CNST: variants seen among roughly 807,000 people sequenced by gnomAD.
The protein encoded by CNST is consortin.
CNST carries 39 observed loss-of-function variants against 72.4 expected under a neutral mutation model. The observed-to-expected ratio is 0.54, with a 90% confidence interval of 0.42 to 0.70. CNST has a LOEUF of 0.70. Among genes scored for constraint, CNST ranks in the 30% least tolerant of loss-of-function variants. CNST has a pLI of 0.00. For missense variants in CNST, 871 were observed against 868.5 expected (o/e 1.00, Z -0.04); for synonymous variants, 332 against 320.1 (o/e 1.04, Z -0.40).
intron 9 of CNST, among the ~76,000 whole-genome samples, chr1:246,648,943 G>T (rs1209491173): frequency 1.3e-5 from 2 of 152,180 alleles, no homozygotes; most frequent in African/African-American, 4.8e-5. Context: ...GAAAACAGAA[G>T]ACTGAAAAGC....
At position 246,608,501 on chromosome 1, in the gene CNST, G is replaced by A. The variant is rs531224769; in HGVS notation, c.380-12928G>A. Among the ~76,000 whole-genome samples the A allele has an allele frequency of 2.0e-5, 3 of 152,324 alleles. No individual in the cohort carries two copies. In the East Asian group the frequency reaches 5.8e-4, roughly 29 times the overall value. ...GAGAATCCAAACATTAATGCTTATTGACATGTTCTACATAATTTAGATGCT... is the reference window on the plus strand; with the variant it reads ...GAGAATCCAAACATTAATGCTTATTAACATGTTCTACATAATTTAGATGCT... On this transcript the variant is annotated intron_variant, in intron 2 of 10. Coordinates refer to ENST00000366513, the MANE Select transcript of CNST (RefSeq NM_152609.3).
chr1:246,657,730 G>A (rs78282773), intron 9 of CNST, among the ~76,000 whole-genome samples: 7,500 of 152,244 alleles, frequency 0.049, 611 homozygotes, highest in African/African-American at 0.17. Flanking sequence ...AGCTAAGGCA[G>A]GGACCTCACA....
chr1:246,592,005 C>A, intron 2 of CNST, 64 bp downstream of exon 2: 2 of 1,309,852 alleles, frequency 1.5e-6, no homozygotes, highest in East Asian at 2.5e-5. Context: ...CCTTCCCTCC[C>A]ATACTGTGTT....
chr1:246,659,560 A>G (rs897958198), intron 9 of CNST, among the ~76,000 whole-genome samples: 16 of 151,412 alleles, frequency 1.1e-4, no homozygotes, highest in Non-Finnish European at 2.2e-4. Context: ...GCGCCACTGC[A>G]CTCCAGCCTG....
chr1:246,651,536 G>A (rs1264086019), intron 9 of CNST, among the ~76,000 whole-genome samples: 2 of 152,124 alleles, frequency 1.3e-5, no homozygotes, highest in Non-Finnish European at 2.9e-5. Context: ...CACTTGTTTT[G>A]TTGTGTTGCT....
chr1:246,645,490 C>T (rs1206343144), intron 8 of CNST, among the ~76,000 whole-genome samples: 1 of 142,940 alleles, frequency 7.0e-6, no homozygotes, highest in African/African-American at 2.7e-5. Flanking sequence ...TGCAGTGGCG[C>T]AATCTCGGCT....
intron 1 of CNST, among the ~76,000 whole-genome samples, chr1:246,574,929 A>T (rs1009158155): frequency 1.3e-5 from 2 of 151,978 alleles, no homozygotes; most frequent in South Asian, 2.1e-4. Flanking sequence ...AAGGAAAGTC[A>T]TAGTGAGTCA....
rs1231946628 is a variant in CNST at position 246,660,252 on chromosome 1, A to G, written c.1890A>G (p.Val630=). 6.2e-7 allele frequency: 1 copy of G among 1,613,102 alleles called. No individual in the cohort carries two copies. Among genetic ancestry groups the G allele is most frequent in the Non-Finnish European group, 8.5e-7 (1 of 1,179,186 alleles). The change falls in exon 10 of 11, where the codon GTA becomes GTG. Residue 630 remains valine, a synonymous_variant. Coordinates refer to ENST00000366513, the MANE Select transcript of CNST (RefSeq NM_152609.3). The part of the protein sequence containing the change: ...VSILKKRNDT[V]GDHPAQMQHK... Reference sequence around the variant, plus strand: ...TATTAAAGAAGAGGAATGATACTGTAGGAGATCATCCTGCCCAAATGCAAC... The same window carrying G: ...TATTAAAGAAGAGGAATGATACTGTGGGAGATCATCCTGCCCAAATGCAAC...
chr1:246,597,454 A>G (rs1456617220), intron 2 of CNST, among the ~76,000 whole-genome samples: 1 of 152,172 alleles, frequency 6.6e-6, no homozygotes, highest in Non-Finnish European at 1.5e-5. Context: ...ACAAGTTTAG[A>G]TGATGTGTTT....
At position 246,660,283 on chromosome 1, in the gene CNST, C is replaced by T; in HGVS notation, c.1921C>T (p.Pro641Ser). 1 of 1,614,020 alleles carries T rather than the reference C, an allele frequency of 6.2e-7. No homozygotes were observed. Among genetic ancestry groups the T allele is most frequent in the Non-Finnish European group, 8.5e-7 (1 of 1,179,938 alleles). The change falls in exon 10 of 11, where the codon CCA becomes TCA. Residue 641 changes from proline to serine, a missense_variant. By Grantham distance (74) the Pro-to-Ser change is moderately conservative (BLOSUM62 -1). Transcript: ENST00000366513. The part of the protein sequence containing the change: ...GDHPAQMQHK[P>S]SKRRVRFQEI... ...TCATCCTGCCCAAATGCAACACAAA[C>T]CATCTAAGCGAAGAGTGAGATTCCA...
rs138011266 is a variant in CNST, at chr1:246,571,702, A to G, written c.-52+5039A>G. Among the ~76,000 whole-genome samples the G allele has an allele frequency of 3.9e-3, 591 of 152,120 alleles. 3 individuals are homozygous for G. Among genetic ancestry groups the G allele is most frequent in the African/African-American group, 0.014 (568 of 41,456 alleles). On this transcript the variant is annotated intron_variant, in intron 1 of 10. Coordinates refer to ENST00000366513, the MANE Select transcript of CNST (RefSeq NM_152609.3). ...TCATATTTATTTACTTATTTTAGAG[A>G]TGAGGTCTCACTATGTTGCCCAGAT...
chr1:246,656,189 G>A (rs1045868572), intron 9 of CNST, among the ~76,000 whole-genome samples: 3 of 152,050 alleles, frequency 2.0e-5, no homozygotes, highest in Non-Finnish European at 2.9e-5. Flanking sequence ...AATGTGACTT[G>A]GTATCTGTTT....
chr1:246,595,560 G>A (rs979111693), intron 2 of CNST, among the ~76,000 whole-genome samples: 60 of 152,058 alleles, frequency 3.9e-4, no homozygotes, highest in African/African-American at 1.4e-3. Context: ...CTAATTTTTC[G>A]GTTAAATTCT....
Position 246,660,226 on chromosome 1 carries a change from A to C in CNST, c.1864A>C (p.Ile622Leu). ...TGTTCCTACTGAAGGATTGGTCTCC[A>C]TATTAAAGAAGAGGAATGATACTGT... is the stretch of plus-strand genomic sequence containing the variant. Reference protein sequence around the residue: ...EVVPTEGLVSILKKRNDTVGD... With the variant: ...EVVPTEGLVSLLKKRNDTVGD... The change falls in exon 10 of 11, where the codon ATA (isoleucine) becomes CTA (leucine). Residue 622 changes from isoleucine (I) to leucine (L), a missense_variant. Coordinates refer to ENST00000366513, the MANE Select transcript of CNST (RefSeq NM_152609.3). 1 of 1,612,498 alleles carries C rather than the reference A, an allele frequency of 6.2e-7. No individual in the cohort carries two copies. The highest frequency in any genetic ancestry group is 1.7e-5 in the Admixed American group (1 of 59,700).
chr1:246,639,662 T>C (rs1006181318), intron 6 of CNST, among the ~76,000 whole-genome samples: 1 of 152,086 alleles, frequency 6.6e-6, no homozygotes, highest in Admixed American at 6.5e-5. Context: ...TGGACAGTTT[T>C]AGGAATAAGG....
intron 1 of CNST, among the ~76,000 whole-genome samples, chr1:246,572,441 TA>T (rs1201841200): frequency 2.0e-5 from 3 of 152,250 alleles, no homozygotes; most frequent in African/African-American, 4.8e-5. Context: ...AGTATACAAC[TA>T]AATCTTAAAA....
chr1:246,591,768 T>C lies in CNST; in HGVS notation c.206T>C (p.Leu69Pro). The part of the protein sequence containing the change: ...GKPQVSEQDS[L>P]NNNESCTLSC... ...CCCCAAGTGTCTGAGCAGGACAGTC[T>C]CAATAATAATGAAAGCTGCACATTG... Residue 69 changes from leucine to proline, a missense_variant, in exon 2 of 11, where the codon CTC becomes CCC. Transcript: ENST00000366513. 6.2e-7 allele frequency: 1 copy of C among 1,614,064 alleles called. No individual in the cohort carries two copies. Among genetic ancestry groups the C allele is most frequent in the Non-Finnish European group, 8.5e-7 (1 of 1,179,996 alleles).
chr1:246,667,236 C>G lies in CNST; in HGVS notation c.*1331C>G, dbSNP rs1236001206. 2 of 152,044 alleles carry G rather than the reference C, an allele frequency of 1.3e-5. No individual in the cohort carries two copies. Among genetic ancestry groups the G allele is most frequent in the Non-Finnish European group, 2.9e-5 (2 of 68,014 alleles). 9.4% of individuals were successfully genotyped at this position (152,044 alleles called of 1,614,324 possible). ...GAAAGAAAAAGGGAGAACTTACTTT[C>G]TAGTTGTTACTGGCTGGCACAGTAC... On this transcript the variant is annotated 3_prime_UTR_variant, in exon 11 of 11. Transcript: ENST00000366513.
rs368853174 is a variant in CNST, at chr1:246,665,337, A to T, written c.1973-363A>T. Among the ~76,000 whole-genome samples, 9 of 152,378 alleles carry T rather than the reference A, an allele frequency of 5.9e-5. No homozygotes were observed. The East Asian group carries it at 1.7e-3, about 29-fold the overall frequency. On this transcript the variant is annotated intron_variant, in intron 10 of 10. Coordinates refer to ENST00000366513, the MANE Select transcript of CNST (RefSeq NM_152609.3). ...CAGTGAGCCAAGATTTTGCCACTGC[A>T]CTTCAGCCAGGGTGACAAAGTGAGA...
Sources: allele counts gnomAD v4.1 joint callset (sites outside exome capture counted in the v4.1 genomes callset), GRCh38; gene constraint gnomAD v4.1.1; transcripts MANE v1.5; gene names NCBI Gene and HGNC (gene_info 2026-07-23, HGNC 2026-07-21).